Variants in SORL1 observed in about 807,000 individuals in gnomAD.
SORL1 encodes sortilin related receptor 1.
A neutral mutation model predicts 273.7 loss-of-function variants in SORL1; 127 were observed. The ratio of observed to expected loss-of-function variants is 0.46; its 90% CI spans 0.40 to 0.54. The LOEUF is 0.54. SORL1 is among the 20% of genes least tolerant of loss of function. The probability of loss-of-function intolerance (pLI) is 0.00; values close to 1 mark genes in which losing one functional copy is unlikely to be tolerated. For missense variants in SORL1, 2,494 were observed against 2,846.1 expected, an observed-to-expected ratio of 0.88 and a Z score of 2.81; for synonymous variants, 1,031 against 1,067.4, an observed-to-expected ratio of 0.97 and a Z score of 0.66.
At chr11:121,600,233 T>C (rs1004764080) in intron 32 of SORL1, among the ~76,000 whole-genome samples, 1 of 152,212 alleles carries the variant, frequency 6.6e-6, no homozygotes, top group Non-Finnish European at 1.5e-5. Flanking sequence ...ATCTCCTTTG[T>C]GGAGATAGGA....
intron 21 of SORL1, among the ~76,000 whole-genome samples, chr11:121,562,148 T>C (rs1485439616): frequency 6.6e-6 from 1 of 152,142 alleles, no homozygotes; most frequent in African/African-American, 2.4e-5. Flanking sequence ...CTCTGCTAGC[T>C]AGCAAGTCAG....
intron 11 of SORL1, among the ~76,000 whole-genome samples, chr11:121,531,324 G>A (rs1862199102): frequency 1.3e-5 from 2 of 152,168 alleles, no homozygotes; most frequent in Non-Finnish European, 2.9e-5. Context: ...AACCCAGGAG[G>A]CAGAGGTTGC....
Position 121,595,631 on chromosome 11 carries a change from A to C in SORL1, c.4378A>C (p.Thr1460Pro). ...AAAATCTTTTATTTTAGCAAACGTC[A>C]CTGCTGCCTCCACTCCCACCCAACT... The part of the protein sequence containing the change: ...EEACPLLANV[T>P]AASTPTQLGR... Residue 1460 changes from threonine to proline, a missense_variant, in exon 32 of 48, where the codon ACT becomes CCT. By Grantham distance (38) the Thr-to-Pro change is conservative. This residue lies in a region of SORL1 where 1,609 missense variants were observed against 1,816.4 expected (regional missense o/e 0.89). Coordinates refer to ENST00000260197, the MANE Select transcript of SORL1 (RefSeq NM_003105.6). The surrounding 1 kb of genome is among the most constrained non-coding windows in gnomAD (Gnocchi z 5.1). The C allele has an allele frequency of 6.2e-7, 1 of 1,600,864 alleles. No homozygotes were observed. Among genetic ancestry groups the C allele is most frequent in the African/African-American group, 1.3e-5 (1 of 74,752 alleles).
chr11:121,493,284 CTGTT>C (rs1861582550), intron 5 of SORL1, among the ~76,000 whole-genome samples: 1 of 150,534 alleles, frequency 6.6e-6, no homozygotes, highest in African/African-American at 2.4e-5. Flanking sequence ...GTTTGTTTGT[CTGTT>C]TAAGTATGAC....
At position 121,457,160 on chromosome 11, in the gene SORL1, C is replaced by A. The variant is rs538991611; in HGVS notation, c.285+4544C>A. On this transcript the variant is annotated intron_variant, in intron 1 of 47. Transcript: ENST00000260197. The stretch of plus-strand genomic sequence containing the variant: ...GCCCAGTCTCTGGCCGCTTTTAGTT[C>A]ATAAATAGCTTGCATGGTTAGAGGC... Among the ~76,000 whole-genome samples the A allele has an allele frequency of 5.3e-5, 8 of 152,136 alleles. No homozygotes were observed. In the East Asian group the frequency reaches 1.5e-3, roughly 29 times the overall value.
chr11:121,481,657 A>G (rs1861389644), intron 3 of SORL1, among the ~76,000 whole-genome samples: 1 of 116,890 alleles, frequency 8.6e-6, no homozygotes, highest in Non-Finnish European at 1.8e-5. Context: ...AGATACCTAT[A>G]GGCAGGTTCC....
intron 1 of SORL1, among the ~76,000 whole-genome samples, chr11:121,464,222 CA>C (rs1186222090): frequency 2.0e-5 from 3 of 152,042 alleles, no homozygotes; most frequent in African/African-American, 7.2e-5. Flanking sequence ...TGGGTTTGAC[CA>C]ATTTGAAAGA....
intron 1 of SORL1, among the ~76,000 whole-genome samples, chr11:121,457,139 AGTCTCTGGCCG>A (rs1281877162): frequency 6.6e-6 from 1 of 152,212 alleles, no homozygotes; most frequent in South Asian, 2.1e-4. Flanking sequence ...CTCTGTGCCC[AGTCTCTGGCCG>A]CTTTTAGTTC....
intron 39 of SORL1, chr11:121,612,198 T>C (rs1419555476): frequency 6.5e-6 from 1 of 152,688 alleles, no homozygotes; most frequent in African/African-American, 2.4e-5. Context: ...CTTCTTGTCT[T>C]GTAGTCTTTG....
chr11:121,523,232 A>T (rs541338677), intron 11 of SORL1, among the ~76,000 whole-genome samples: 22 of 152,328 alleles, frequency 1.4e-4, no homozygotes, highest in African/African-American at 4.8e-4. Flanking sequence ...TATGAGTTCT[A>T]TGAGGGCAAA....
intron 1 of SORL1, among the ~76,000 whole-genome samples, chr11:121,463,824 T>A (rs1861040439): frequency 6.6e-6 from 1 of 152,174 alleles, no homozygotes; most frequent in Admixed American, 6.5e-5. Flanking sequence ...CCAGGGAGGA[T>A]AATAAGCCTG....
Position 121,512,987 on chromosome 11 carries a change from T to A in SORL1, c.940-16T>A, listed in dbSNP as rs1432401934. 1.9e-5 allele frequency: 31 copies of A among 1,595,832 alleles called. No homozygotes were observed. The highest frequency in any genetic ancestry group is 2.6e-5 in the Non-Finnish European group (30 of 1,163,444). On this transcript the variant is annotated splice_polypyrimidine_tract_variant and intron_variant, in intron 6 of 47. Transcript: ENST00000260197. The stretch of plus-strand genomic sequence containing the variant: ...ATGTGGCACCATTAATTTTTTTTTC[T>A]CCTCTTCCTTGGCAGCATCTCTTGG...
intron 12 of SORL1, among the ~76,000 whole-genome samples, chr11:121,538,402 A>G (rs1862297747): frequency 6.6e-6 from 1 of 152,116 alleles, no homozygotes; most frequent in Non-Finnish European, 1.5e-5. Context: ...GTAGCTGCCT[A>G]TTCCAGAATT....
intron 3 of SORL1, among the ~76,000 whole-genome samples, chr11:121,486,775 G>A (rs542082067): frequency 1.3e-5 from 2 of 152,156 alleles, no homozygotes; most frequent in Non-Finnish European, 2.9e-5. Context: ...CACTGCGCCC[G>A]GCGGTGAGAC....
Position 121,606,861 on chromosome 11 carries a change from A to C in SORL1, c.4965A>C (p.Arg1655=), listed in dbSNP as rs1863482752. Reference sequence around the variant, plus strand: ...TTTTTCTAGTGCCAGATGCCCCTCGAAATCTCCAGCTGTCACTCCCCAGGG... The same window carrying C: ...TTTTTCTAGTGCCAGATGCCCCTCGCAATCTCCAGCTGTCACTCCCCAGGG... ...RTPEGLPDAP[R]NLQLSLPREA... The change falls in exon 36 of 48, where the codon CGA becomes CGC. Residue 1655 remains arginine (R), a synonymous_variant. Transcript: ENST00000260197. 3 of 1,614,056 alleles carry C rather than the reference A, an allele frequency of 1.9e-6. No individual in the cohort carries two copies. Among genetic ancestry groups the C allele is most frequent in the Non-Finnish European group, 2.5e-6 (3 of 1,179,960 alleles).
chr11:121,558,467 A>G (rs1037606849), intron 19 of SORL1, 124 bp from the exon 20 acceptor site: 16 of 975,898 alleles, frequency 1.6e-5, no homozygotes, highest in Admixed American at 8.4e-5. Flanking sequence ...ACATATTGTT[A>G]TAATAATGCT....
intron 28 of SORL1, among the ~76,000 whole-genome samples, chr11:121,588,977 G>A (rs1306907719): frequency 6.6e-6 from 1 of 152,152 alleles, no homozygotes; most frequent in Non-Finnish European, 1.5e-5. Context: ...TCTAAATACA[G>A]TCCTGTTTCT....
intron 39 of SORL1, 114 bp downstream of exon 39, chr11:121,611,272 G>C (rs982302223): frequency 1.4e-6 from 1 of 711,252 alleles, no homozygotes; most frequent in African/African-American, 1.8e-5. Context: ...CAAAAAAAAC[G>C]AACGGCTAGA....
chr11:121,557,252 G>T, intron 18 of SORL1, 62 bp from the exon 19 acceptor site: 1 of 1,192,052 alleles, frequency 8.4e-7, no homozygotes, highest in Admixed American at 1.7e-5. Context: ...GCCATCTTTG[G>T]CAATGGGGGT....
Sources: gnomAD v4.1 joint callset for allele counts (sites outside exome capture counted in the v4.1 genomes callset) on GRCh38, gnomAD v4.1.1 for gene constraint, gnomAD v4.1.1 regional missense constraint, Gnocchi (gnomAD v3.1) non-coding constraint, MANE v1.5 for transcripts, NCBI Gene and HGNC (gene_info 2026-07-23, HGNC 2026-07-21) for gene names.